ADAMTSL1: variants seen among roughly 807,000 people sequenced by gnomAD.
ADAMTSL1 encodes ADAMTS-like protein 1.
A neutral mutation model predicts 201.8 loss-of-function variants in ADAMTSL1; 126 were observed. The ratio of observed to expected loss-of-function variants is 0.62; its 90% confidence interval spans 0.54 to 0.72. The LOEUF (loss-of-function observed/expected upper bound fraction) is 0.72. Ranked by LOEUF, ADAMTSL1 falls within the 30% of genes least tolerant of loss-of-function variation. The pLI, the probability that ADAMTSL1 is intolerant of heterozygous loss-of-function variation, is 0.00. For synonymous variants in ADAMTSL1, 1,121 were observed against 903.4 expected (o/e 1.24, Z -4.32); for missense variants, 2,679 against 2,277.8 (o/e 1.18, Z -3.59).
chr9:18,086,307 C>T (rs919016255), intron 1 of ADAMTSL1, among the ~76,000 whole-genome samples: 1 of 152,008 alleles, frequency 6.6e-6, no homozygotes, highest in South Asian at 2.1e-4. Context: ...AAGCATTTGC[C>T]AGTTGTGTTG....
intron 1 of ADAMTSL1, among the ~76,000 whole-genome samples, chr9:17,917,332 A>G (rs966293607): frequency 2.0e-5 from 3 of 152,098 alleles, no homozygotes; most frequent in Admixed American, 1.3e-4. Flanking sequence ...CTTGTTTATC[A>G]TTAAGTATGA....
At chr9:18,838,201 A>G (rs990606549) in intron 23 of ADAMTSL1, among the ~76,000 whole-genome samples, 6 of 152,042 alleles carry the variant, frequency 3.9e-5, no homozygotes, top group African/African-American at 1.2e-4. Flanking sequence ...TTTTAAAACC[A>G]TCAGATCTCA....
chr9:18,175,833 C>G (rs1179135060), intron 2 of ADAMTSL1, among the ~76,000 whole-genome samples: 2 of 151,906 alleles, frequency 1.3e-5, no homozygotes, highest in Non-Finnish European at 1.5e-5. Context: ...CTGGAAGACT[C>G]TACACAGATA....
At chr9:18,179,539 C>A (rs1479032281) in intron 2 of ADAMTSL1, among the ~76,000 whole-genome samples, 2 of 152,120 alleles carry the variant, frequency 1.3e-5, no homozygotes, top group African/African-American at 4.8e-5. Flanking sequence ...CACAAAGATA[C>A]TCCTCGAGAA....
At chr9:18,522,364 G>T (rs1188428906) in intron 2 of ADAMTSL1, among the ~76,000 whole-genome samples, 1 of 152,042 alleles carries the variant, frequency 6.6e-6, no homozygotes, top group Non-Finnish European at 1.5e-5. Flanking sequence ...CAGTACACTT[G>T]CACTTGTTTC....
intron 23 of ADAMTSL1, among the ~76,000 whole-genome samples, chr9:18,853,885 C>CTGTGTG (rs1826665483): frequency 1.6e-5 from 1 of 61,258 alleles, no homozygotes; most frequent in African/African-American, 1.3e-4. Context: ...CTTGTATTCA[C>CTGTGTG]TCTCTGTGTG....
At chr9:18,784,704 C>G (rs759097204) in intron 19 of ADAMTSL1, among the ~76,000 whole-genome samples, 2 of 152,196 alleles carry the variant, frequency 1.3e-5, no homozygotes, top group African/African-American at 4.8e-5. Context: ...GTGGAGAAAT[C>G]ATCAGGCTCA....
At chr9:18,342,208 A>G (rs1222764879) in intron 2 of ADAMTSL1, among the ~76,000 whole-genome samples, 1 of 152,184 alleles carries the variant, frequency 6.6e-6, no homozygotes, top group Non-Finnish European at 1.5e-5. Context: ...GCTCAGGCCC[A>G]GTGAAATTGC....
rs1423603575 is a variant in ADAMTSL1, at chr9:18,595,752, AC to A, written c.474+21490del. 4.6e-5 allele frequency among the ~76,000 whole-genome samples: 7 copies of A among 152,304 alleles called. No individual in the cohort carries two copies. The South Asian group carries it at 1.5e-3, about 32-fold the overall frequency. ...CAGTAGTGTACACAGTTCTTTCTGG[AC>A]CCCTTGGCAGATGATTTTGGTTGTA... On this transcript the variant is annotated intron_variant, in intron 4 of 28. Coordinates refer to ENST00000380548, the MANE Select transcript of ADAMTSL1 (RefSeq NM_001040272.6).
At chr9:17,920,403 C>T (rs1354128155) in intron 1 of ADAMTSL1, among the ~76,000 whole-genome samples, 1 of 152,122 alleles carries the variant, frequency 6.6e-6, no homozygotes, top group African/African-American at 2.4e-5. Flanking sequence ...TCCTCAACCT[C>T]CAGAAAATAA....
At chr9:18,029,631 T>C (rs1820852235) in intron 1 of ADAMTSL1, among the ~76,000 whole-genome samples, 1 of 151,150 alleles carries the variant, frequency 6.6e-6, no homozygotes, top group South Asian at 2.1e-4. Flanking sequence ...TGGGAGAAAA[T>C]TTTCGCAACC....
chr9:18,722,599 G>T (rs1833460176), intron 15 of ADAMTSL1, among the ~76,000 whole-genome samples: 1 of 152,068 alleles, frequency 6.6e-6, no homozygotes, highest in Non-Finnish European at 1.5e-5. Context: ...CCTTTCTTTG[G>T]GACTTGGAGG....
At chr9:18,665,386 CA>C (rs1390734174) in intron 9 of ADAMTSL1, among the ~76,000 whole-genome samples, 2 of 152,030 alleles carry the variant, frequency 1.3e-5, no homozygotes, top group African/African-American at 4.8e-5. Context: ...TGGTCTTTTA[CA>C]CAATATAAAG....
intron 17 of ADAMTSL1, among the ~76,000 whole-genome samples, chr9:18,774,234 A>C (rs1351495265): frequency 6.6e-6 from 1 of 151,538 alleles, no homozygotes; most frequent in Non-Finnish European, 1.5e-5. Flanking sequence ...TTCTCAAAAC[A>C]CCTCTTTCAT....
At chr9:18,603,578 C>G (rs1237165874) in intron 4 of ADAMTSL1, among the ~76,000 whole-genome samples, 1 of 152,176 alleles carries the variant, frequency 6.6e-6, no homozygotes, top group African/African-American at 2.4e-5. Context: ...TCCATACCTC[C>G]TCAACAACCA....
chr9:18,128,843 G>A (rs1285207011), intron 1 of ADAMTSL1, among the ~76,000 whole-genome samples: 2 of 152,034 alleles, frequency 1.3e-5, no homozygotes, highest in African/African-American at 4.8e-5. Flanking sequence ...ATAAACAATA[G>A]CAGAAAGAAG....
Position 18,849,250 on chromosome 9 carries a change from C to A in ADAMTSL1, c.4249+19273C>A, listed in dbSNP as rs539425530. ...GGAAGGCCTCTTGAATTGTTTTCATCTCTCATTTCTATTCTAATTGTAGCT... is the reference window on the plus strand; with the variant it reads ...GGAAGGCCTCTTGAATTGTTTTCATATCTCATTTCTATTCTAATTGTAGCT... On this transcript the variant is annotated intron_variant, in intron 23 of 28. Transcript: ENST00000380548. 6.6e-5 allele frequency among the ~76,000 whole-genome samples: 10 copies of A among 152,216 alleles called. No homozygotes were observed. The South Asian group carries it at 2.1e-3, about 32-fold the overall frequency.
chr9:18,563,667 G>A (rs1419471846), intron 3 of ADAMTSL1, among the ~76,000 whole-genome samples: 2 of 152,208 alleles, frequency 1.3e-5, no homozygotes, highest in South Asian at 2.1e-4. Context: ...TGATGTGTAA[G>A]CCCCTGACTG....
chr9:17,941,406 T>C (rs1171215816), intron 1 of ADAMTSL1, among the ~76,000 whole-genome samples: 1 of 152,172 alleles, frequency 6.6e-6, no homozygotes, highest in Non-Finnish European at 1.5e-5. Flanking sequence ...AGCATTGATC[T>C]GGTTTTTGGA....
Sources: gnomAD v4.1 joint callset for allele counts (sites outside exome capture counted in the v4.1 genomes callset) on GRCh38, gnomAD v4.1.1 for gene constraint, MANE v1.5 for transcripts, NCBI Gene and HGNC (gene_info 2026-07-23, HGNC 2026-07-21) for gene names.